The following STK33 variants were observed in gnomAD, a reference collection of about 807,000 sequenced individuals.
STK33 encodes the protein serine/threonine-protein kinase 33.
Under a neutral mutation model 58.0 loss-of-function variants are expected in STK33, and 52 were observed. The ratio of observed to expected loss-of-function variants is 0.90; its 90% CI spans 0.72 to 1.13. The LOEUF is 1.13. STK33 is among the 50% of genes most tolerant of loss of function. The probability of loss-of-function intolerance (pLI) is 0.00; values close to 1 mark genes in which losing one functional copy is unlikely to be tolerated. For synonymous variants in STK33, 215 were observed against 200.1 expected (o/e 1.07, Z -0.63); for missense variants, 630 against 604.2 (o/e 1.04, Z -0.45).
At chr11:8,472,821 C>A (rs1228210593) in intron 6 of STK33, among the ~76,000 whole-genome samples, 2 of 152,088 alleles carry the variant, frequency 1.3e-5, no homozygotes, top group South Asian at 2.1e-4. Context: ...AAGTGAACAG[C>A]CAAACTAAAA....
At chr11:8,473,526 A>G (rs1465133721) in intron 5 of STK33, among the ~76,000 whole-genome samples, 5 of 152,228 alleles carry the variant, frequency 3.3e-5, no homozygotes, top group Admixed American at 6.5e-5. Flanking sequence ...TAACCAGCAT[A>G]GCAGATTCAT....
chr11:8,588,273 C>T (rs1262993358), intron 1 of STK33, among the ~76,000 whole-genome samples: 2 of 152,166 alleles, frequency 1.3e-5, no homozygotes, highest in Non-Finnish European at 2.9e-5. Flanking sequence ...AATTATATCC[C>T]TAGATGGAAA....
the STK33 span, among the ~76,000 whole-genome samples, chr11:8,368,617 T>G: frequency 6.6e-5 from 10 of 152,356 alleles, no homozygotes; most frequent in Non-Finnish European, 1.0e-4. Flanking sequence ...GATTTCTGGA[T>G]CCATCTCTAA....
At chr11:8,522,364 T>C (rs914133789) in intron 1 of STK33, among the ~76,000 whole-genome samples, 3 of 151,836 alleles carry the variant, frequency 2.0e-5, no homozygotes, top group East Asian at 1.9e-4. Flanking sequence ...CTGAGCAAAC[T>C]ATCCCAAGGA....
At chr11:8,543,984 C>T (rs923897055) in intron 1 of STK33, among the ~76,000 whole-genome samples, 5 of 151,998 alleles carry the variant, frequency 3.3e-5, no homozygotes, top group Admixed American at 6.6e-5. Context: ...TCACAATTGC[C>T]AGTTCAAAAT....
chr11:8,387,652 T>A (rs1848562313), downstream of STK33, among the ~76,000 whole-genome samples: 1 of 152,154 alleles, frequency 6.6e-6, no homozygotes, highest in Non-Finnish European at 1.5e-5. Flanking sequence ...CTATTATAGC[T>A]CAAAGTCCAG....
the STK33 span, among the ~76,000 whole-genome samples, chr11:8,354,472 C>CCACACACA: frequency 1.2e-3 from 68 of 56,060 alleles, no homozygotes; most frequent in African/African-American, 1.7e-3. Context: ...GTCTGCAAAA[C>CCACACACA]CTCACACACA....
rs114483468 is a variant in STK33 at position 8,561,858 on chromosome 11, C to T, written c.-466+32225G>A. ...GGATAACTGGAACCACAGACTTGAACGCCACCAGGACTGCTTATCTCAACT... is the reference window on the plus strand; with the variant it reads ...GGATAACTGGAACCACAGACTTGAATGCCACCAGGACTGCTTATCTCAACT... On this transcript the variant is annotated intron_variant, in intron 1 of 15. Coordinates refer to ENST00000687296, the MANE Select transcript of STK33 (RefSeq NM_001352389.2). Among the ~76,000 whole-genome samples the T allele has an allele frequency of 1.6e-3, 238 of 152,264 alleles. 2 individuals are homozygous for T. Among genetic ancestry groups the T allele is most frequent in the African/African-American group, 5.5e-3 (229 of 41,564 alleles).
intron 11 of STK33, among the ~76,000 whole-genome samples, chr11:8,442,145 A>T (rs1407588720): frequency 6.6e-6 from 1 of 152,192 alleles, no homozygotes; most frequent in Admixed American, 6.5e-5. Context: ...ATGAAAGGCA[A>T]CAAAAAGGGG....
chr11:8,525,181 C>T (rs556376750), intron 1 of STK33, among the ~76,000 whole-genome samples: 7 of 152,232 alleles, frequency 4.6e-5, no homozygotes, highest in African/African-American at 1.7e-4. Context: ...TGAAGCTCCC[C>T]CTAAGCTGAT....
chr11:8,363,131 T>C, the STK33 span, among the ~76,000 whole-genome samples: 1 of 151,734 alleles, frequency 6.6e-6, no homozygotes, highest in Non-Finnish European at 1.5e-5. Context: ...AAGTCCGGCA[T>C]GGGCTGAGGA....
At chr11:8,555,689 C>A (rs9734055) in intron 1 of STK33, among the ~76,000 whole-genome samples, 81,505 of 151,442 alleles carry the variant, frequency 0.54, 22,024 homozygotes, top group South Asian at 0.65. Context: ...ATAAAAATAA[C>A]AATAATAAAG....
rs1943958611 is a variant in STK33, at chr11:8,435,576, T to C, written c.1064A>G (p.Lys355Arg). ...TTTCATAAGTTGTTTCAAAACACTTTTAGCTAAAAATAAGAAAAAAATCCT... is the reference window on the plus strand; with the variant it reads ...TTTCATAAGTTGTTTCAAAACACTTCTAGCTAAAAATAAGAAAAAAATCCT... ...AVWNSISDCA[K>R]SVLKQLMKVD... The change falls in exon 14 of 16, where the codon AAA (lysine) becomes AGA (arginine). Residue 355 changes from lysine to arginine, a missense_variant. Coordinates refer to ENST00000687296, the MANE Select transcript of STK33 (RefSeq NM_001352389.2). 1 of 1,490,856 alleles carries C rather than the reference T, an allele frequency of 6.7e-7. No homozygotes were observed. Among genetic ancestry groups the C allele is most frequent in the Non-Finnish European group, 9.0e-7 (1 of 1,111,510 alleles). The allele number at this position is 1,490,856 out of a possible 1,614,324, so 92.4% of individuals were successfully genotyped here. A position where few individuals can be genotyped will look rare whatever the true frequency, so the allele number is the denominator to read the frequency against.
intron 1 of STK33, among the ~76,000 whole-genome samples, chr11:8,585,872 T>C (rs985037065): frequency 2.6e-5 from 4 of 152,042 alleles, no homozygotes; most frequent in Non-Finnish European, 4.4e-5. Context: ...CTGACCAACA[T>C]GGTAAAACCT....
chr11:8,497,523 G>C (rs1051244893), intron 1 of STK33, among the ~76,000 whole-genome samples: 1 of 152,296 alleles, frequency 6.6e-6, no homozygotes, highest in South Asian at 2.1e-4. Flanking sequence ...AGGCTGGAGT[G>C]TAGTAGCATG....
At chr11:8,528,302 T>C (rs1185645492) in intron 1 of STK33, among the ~76,000 whole-genome samples, 1 of 152,234 alleles carries the variant, frequency 6.6e-6, no homozygotes, top group East Asian at 1.9e-4. Context: ...AGTTGTACAA[T>C]TGTCCTTCAC....
At chr11:8,487,421 CAAAAAAAAAA>C (rs35061686) in intron 1 of STK33, among the ~76,000 whole-genome samples, 1 of 103,018 alleles carries the variant, frequency 9.7e-6, no homozygotes, top group African/African-American at 3.6e-5. Flanking sequence ...GACCCAGTCT[CAAAAAAAAAA>C]AAAAAAAAAA....
the STK33 span, among the ~76,000 whole-genome samples, chr11:8,357,055 G>A: frequency 6.6e-6 from 1 of 152,224 alleles, no homozygotes; most frequent in African/African-American, 2.4e-5. Context: ...CCAAGCCCCA[G>A]CTGTCTCCCT....
chr11:8,557,263 AG>A (rs1565358582), intron 1 of STK33, among the ~76,000 whole-genome samples: 1 of 1,330 alleles, frequency 7.5e-4, no homozygotes, highest in Non-Finnish European at 1.3e-3. Flanking sequence ...AGGGAAGGGG[AG>A]GGGAGGGGAG....
Sources: gnomAD v4.1 joint callset for allele counts (sites outside exome capture counted in the v4.1 genomes callset) on GRCh38, gnomAD v4.1.1 for gene constraint, MANE v1.5 for transcripts, NCBI Gene and HGNC (gene_info 2026-07-23, HGNC 2026-07-21) for gene names.